The following RSPO2 variants were observed in gnomAD, a reference collection of about 807,000 sequenced individuals.
RSPO2 encodes R-spondin-2.
Under a neutral mutation model 30.9 loss-of-function variants are expected in RSPO2, and 14 were observed. The ratio of observed to expected loss-of-function variants is 0.45; its 90% confidence interval spans 0.30 to 0.71. The LOEUF (loss-of-function observed/expected upper bound fraction) is 0.71. RSPO2 is among the 30% of genes least tolerant of loss of function. RSPO2 has a pLI of 0.08. For synonymous variants in RSPO2, 107 were observed against 96.4 expected (o/e 1.11, Z -0.64); for missense variants, 264 against 301.9 (o/e 0.87, Z 0.93).
In RSPO2 at chr8:108,046,636, C is replaced by T. The variant is rs112341827; in HGVS notation, c.94+35909G>A. Among the ~76,000 whole-genome samples the T allele has an allele frequency of 2.6e-3, 391 of 152,054 alleles. 3 individuals carry two copies. Among genetic ancestry groups the T allele is most frequent in the African/African-American group, 8.8e-3 (367 of 41,494 alleles). ...AACAAAAGCATCATTTGCAAACAAA[C>T]AAACAAAAAAAACTGCTCTATTAAC... On this transcript the variant is annotated intron_variant, in intron 2 of 5. Transcript: ENST00000276659.
chr8:107,989,861 T>C (rs916390617), intron 2 of RSPO2, among the ~76,000 whole-genome samples: 7 of 152,158 alleles, frequency 4.6e-5, no homozygotes, highest in Non-Finnish European at 8.8e-5. Flanking sequence ...ATAGAATTAC[T>C]CTCTAGATAT....
At chr8:107,933,610 C>A (rs555088903) in intron 5 of RSPO2, among the ~76,000 whole-genome samples, 46 of 152,180 alleles carry the variant, frequency 3.0e-4, no homozygotes, top group African/African-American at 1.1e-3. Context: ...TTTTAAAATT[C>A]TTTTTCTTAA....
chr8:107,909,767 C>G (rs1811764930), intron 5 of RSPO2, among the ~76,000 whole-genome samples: 1 of 152,154 alleles, frequency 6.6e-6, no homozygotes, highest in Admixed American at 6.5e-5. Context: ...TAAATTTATA[C>G]TGCATTGATT....
intron 5 of RSPO2, among the ~76,000 whole-genome samples, chr8:107,957,247 C>T (rs1052894236): frequency 1.3e-5 from 2 of 152,200 alleles, no homozygotes; most frequent in Non-Finnish European, 2.9e-5. Flanking sequence ...GATTCTTTTA[C>T]AGAGCAGTTT....
chr8:108,032,084 T>G (rs1586643463), intron 2 of RSPO2, among the ~76,000 whole-genome samples: 2 of 152,292 alleles, frequency 1.3e-5, no homozygotes, highest in African/African-American at 4.8e-5. Context: ...GCTCTGACCC[T>G]ATCCTGCCTC....
At chr8:108,063,128 G>T (rs968031979) in intron 2 of RSPO2, among the ~76,000 whole-genome samples, 2 of 151,782 alleles carry the variant, frequency 1.3e-5, no homozygotes, top group African/African-American at 4.9e-5. Context: ...GCACAAGACA[G>T]GGATGCCCTC....
intron 5 of RSPO2, among the ~76,000 whole-genome samples, chr8:107,927,203 T>C (rs1305081518): frequency 1.3e-5 from 2 of 152,190 alleles, no homozygotes; most frequent in Non-Finnish European, 2.9e-5. Context: ...TGTTTGTCTG[T>C]TATTGGTGTA....
chr8:108,003,291 ATATATATATATATATATATATTTTTT>A (rs1815320417), intron 2 of RSPO2, among the ~76,000 whole-genome samples: 2 of 31,912 alleles, frequency 6.3e-5, no homozygotes, highest in East Asian at 1.2e-3. Context: ...ATATATATAT[ATATATATATATATATATATATTTTTT>A]TTTTTTTTTT....
intron 2 of RSPO2, among the ~76,000 whole-genome samples, chr8:108,077,617 G>A (rs1427525639): frequency 2.1e-5 from 3 of 144,596 alleles, no homozygotes; most frequent in African/African-American, 5.1e-5. Flanking sequence ...TATACTCATC[G>A]CTTTCCCTAC....
At chr8:108,079,909 T>C (rs1256311132) in intron 2 of RSPO2, among the ~76,000 whole-genome samples, 1 of 152,218 alleles carries the variant, frequency 6.6e-6, no homozygotes, top group Admixed American at 6.5e-5. Flanking sequence ...TGGTATCACA[T>C]AGGCCCTAAC....
chr8:107,914,791 A>T (rs1256153487), intron 5 of RSPO2, among the ~76,000 whole-genome samples: 1 of 152,164 alleles, frequency 6.6e-6, no homozygotes, highest in East Asian at 1.9e-4. Context: ...TGGGTAATAA[A>T]TTGTAAAGAA....
At chr8:107,911,980 G>A (rs1224411596) in intron 5 of RSPO2, among the ~76,000 whole-genome samples, 1 of 152,054 alleles carries the variant, frequency 6.6e-6, no homozygotes, top group African/African-American at 2.4e-5. Context: ...TGATGGGCCT[G>A]GCCTACAACC....
intron 5 of RSPO2, 27 bp downstream of exon 5, chr8:107,958,053 C>T (rs748313034): frequency 6.4e-7 from 1 of 1,554,578 alleles, no homozygotes; most frequent in South Asian, 1.1e-5. Flanking sequence ...GCACACAGCA[C>T]ACAGTAGTGA....
At position 107,901,086 on chromosome 8, in the gene RSPO2, CTCTG is replaced by C; in HGVS notation, c.717_720del (p.Asp239GlufsTer13). ...CCGGATCTCTTGTTTTATTGGTTAG[CTCTG>C]TCTGTAGCTAGGAAGACGCTGTGTT... On this transcript the variant is annotated frameshift_variant, in exon 6 of 6. Coordinates refer to ENST00000276659, the MANE Select transcript of RSPO2 (RefSeq NM_178565.5). LOFTEE classifies it high-confidence loss of function. 1 of 1,613,618 alleles carries C rather than the reference CTCTG, an allele frequency of 6.2e-7. No individual in the cohort carries two copies. The highest frequency in any genetic ancestry group is 8.5e-7 in the Non-Finnish European group (1 of 1,179,938).
chr8:108,082,656 G>A lies in RSPO2; in HGVS notation c.-18C>T. ...AACTGCATCTGGGCGGTCGGGCGGG[G>A]GAGAGACGCCTCTCAAAGTCTAGGA... On this transcript the variant is annotated 5_prime_UTR_variant, in exon 2 of 6. Coordinates refer to ENST00000276659, the MANE Select transcript of RSPO2 (RefSeq NM_178565.5). 1.2e-6 allele frequency: 2 copies of A among 1,603,076 alleles called. No homozygotes were observed. The highest frequency in any genetic ancestry group is 8.5e-7 in the Non-Finnish European group (1 of 1,170,288).
chr8:107,911,091 C>G (rs960007267), intron 5 of RSPO2, among the ~76,000 whole-genome samples: 1 of 152,160 alleles, frequency 6.6e-6, no homozygotes, highest in Non-Finnish European at 1.5e-5. Context: ...TAAATGAACT[C>G]TCCTGTTCTT....
chr8:107,916,024 A>C (rs1811970554), intron 5 of RSPO2, among the ~76,000 whole-genome samples: 1 of 152,174 alleles, frequency 6.6e-6, no homozygotes, highest in African/African-American at 2.4e-5. Context: ...AGAAACTGGC[A>C]AATGAAAAAC....
chr8:108,051,419 T>G (rs776734149), intron 2 of RSPO2, among the ~76,000 whole-genome samples: 16 of 152,202 alleles, frequency 1.1e-4, no homozygotes, highest in Admixed American at 2.0e-4. Flanking sequence ...ATGTTTTCTT[T>G]GGAACTGGCT....
Position 108,070,773 on chromosome 8 carries a change from T to C in RSPO2, c.94+11772A>G, listed in dbSNP as rs1180369693. Among the ~76,000 whole-genome samples the C allele has an allele frequency of 2.0e-5, 3 of 152,288 alleles. No homozygotes were observed. In the East Asian group the frequency reaches 5.8e-4, roughly 29 times the overall value. On this transcript the variant is annotated intron_variant, in intron 2 of 5. Coordinates refer to ENST00000276659, the MANE Select transcript of RSPO2 (RefSeq NM_178565.5). ...TGTCAAGTCACCAGCTTTAAAACACTCTCACGAGATGCTCTCTGCTGTTGG... is the reference window on the plus strand; with the variant it reads ...TGTCAAGTCACCAGCTTTAAAACACCCTCACGAGATGCTCTCTGCTGTTGG...
Sources: allele counts gnomAD v4.1 joint callset (sites outside exome capture counted in the v4.1 genomes callset), GRCh38; gene constraint gnomAD v4.1.1; transcripts MANE v1.5; gene names NCBI Gene and HGNC (gene_info 2026-07-23, HGNC 2026-07-21).